The following INPP4B variants were observed in gnomAD, a reference collection of about 807,000 sequenced individuals.
The protein encoded by INPP4B is inositol polyphosphate-4-phosphatase type II B.
A neutral mutation model predicts 122.5 loss-of-function variants in INPP4B; 55 were observed. That is an observed-to-expected ratio of 0.45 (90% CI 0.36 to 0.56). INPP4B has a LOEUF of 0.56. Ranked by LOEUF, INPP4B falls within the 20% of genes least tolerant of loss-of-function variation. The probability of loss-of-function intolerance (pLI) is 0.00; values close to 1 mark genes in which losing one functional copy is unlikely to be tolerated. For missense variants in INPP4B, 1,000 were observed against 1,097.7 expected (o/e 0.91, Z 1.26); for synonymous variants, 403 against 388.7 (o/e 1.04, Z -0.43).
intron 3 of INPP4B, among the ~76,000 whole-genome samples, chr4:142,452,375 C>G (rs1814482667): frequency 6.6e-6 from 1 of 152,184 alleles, no homozygotes; most frequent in African/African-American, 2.4e-5. Flanking sequence ...AGCCATCTGA[C>G]TCGTTAGATT....
At chr4:142,826,968 C>G (rs1781530958) in intron 1 of INPP4B, among the ~76,000 whole-genome samples, 1 of 152,198 alleles carries the variant, frequency 6.6e-6, no homozygotes, top group African/African-American at 2.4e-5. Flanking sequence ...CTTTCGGTAG[C>G]CCCTATTATG....
chr4:142,733,901 C>T (rs1353249713), intron 1 of INPP4B, among the ~76,000 whole-genome samples: 1 of 152,102 alleles, frequency 6.6e-6, no homozygotes, highest in Non-Finnish European at 1.5e-5. Flanking sequence ...CAATGAAATG[C>T]TATGCATTAA....
At chr4:142,604,426 G>A (rs1740765407) in intron 2 of INPP4B, among the ~76,000 whole-genome samples, 1 of 151,968 alleles carries the variant, frequency 6.6e-6, no homozygotes, top group South Asian at 2.1e-4. Context: ...TGGAAAAGAG[G>A]AAGTTAAATT....
At chr4:142,374,096 T>C (rs1413736141) in intron 7 of INPP4B, among the ~76,000 whole-genome samples, 1 of 151,876 alleles carries the variant, frequency 6.6e-6, no homozygotes, top group Non-Finnish European at 1.5e-5. Flanking sequence ...TTGAACACGT[T>C]TGTAGATAAA....
intron 3 of INPP4B, among the ~76,000 whole-genome samples, chr4:142,442,117 GAAAAA>G (rs1811858522): frequency 2.0e-5 from 3 of 152,026 alleles, no homozygotes; most frequent in Admixed American, 1.3e-4. Flanking sequence ...TAGACCATAA[GAAAAA>G]CATGGGCCAG....
chr4:142,060,851 G>GA (rs756822902), intron 25 of INPP4B, among the ~76,000 whole-genome samples: 8 of 152,150 alleles, frequency 5.3e-5, no homozygotes, highest in Non-Finnish European at 8.8e-5. Context: ...AGGAAAAAGG[G>GA]AAAACAGGCA....
intron 1 of INPP4B, among the ~76,000 whole-genome samples, chr4:142,752,418 G>T (rs1430884103): frequency 6.6e-6 from 1 of 152,010 alleles, no homozygotes; most frequent in East Asian, 1.9e-4. Flanking sequence ...AACTTCTCTA[G>T]ACTCAAGAAT....
At chr4:142,417,767 T>C (rs1330513999) in intron 5 of INPP4B, among the ~76,000 whole-genome samples, 1 of 152,016 alleles carries the variant, frequency 6.6e-6, no homozygotes, top group Admixed American at 6.6e-5. Context: ...TTTTCAGGAT[T>C]TTTGAGGCGG....
At chr4:142,275,093 C>G (rs1747749218) in intron 9 of INPP4B, among the ~76,000 whole-genome samples, 1 of 151,734 alleles carries the variant, frequency 6.6e-6, no homozygotes, top group African/African-American at 2.4e-5. Context: ...CCTAATACTT[C>G]CTAATGAAAT....
intron 22 of INPP4B, 41 bp downstream of exon 22, chr4:142,112,501 C>G (rs749168432): frequency 1.2e-6 from 2 of 1,607,784 alleles, no homozygotes; most frequent in Non-Finnish European, 1.7e-6. Flanking sequence ...TTAAAAGGAA[C>G]AAAGAAAAAT....
At chr4:142,691,818 A>G (rs1053920719) in intron 2 of INPP4B, among the ~76,000 whole-genome samples, 1 of 151,902 alleles carries the variant, frequency 6.6e-6, no homozygotes, top group Non-Finnish European at 1.5e-5. Flanking sequence ...CGTGGGGGGG[A>G]CAAGCAAAAG....
At chr4:142,836,620 G>T (rs1294617534) in intron 1 of INPP4B, among the ~76,000 whole-genome samples, 4 of 151,604 alleles carry the variant, frequency 2.6e-5, no homozygotes, top group African/African-American at 9.7e-5. Flanking sequence ...ATAGACTAGA[G>T]AGGAAAAAAA....
At chr4:142,655,384 C>A (rs1753930599) in intron 2 of INPP4B, among the ~76,000 whole-genome samples, 1 of 152,092 alleles carries the variant, frequency 6.6e-6, no homozygotes, top group South Asian at 2.1e-4. Context: ...TGGAGCATAT[C>A]ATTATTTCAA....
At chr4:142,615,037 T>A (rs1743399469) in intron 2 of INPP4B, among the ~76,000 whole-genome samples, 1 of 152,206 alleles carries the variant, frequency 6.6e-6, no homozygotes. Context: ...ATTTCACTAC[T>A]GAGTATCCAC....
At chr4:142,806,847 G>GAAAGAAAGAAAT (rs1778923761) in intron 1 of INPP4B, among the ~76,000 whole-genome samples, 3 of 149,832 alleles carry the variant, frequency 2.0e-5, no homozygotes, top group African/African-American at 5.0e-5. Context: ...AAGAAAGAAA[G>GAAAGAAAGAAAT]AAAGGAGAAG....
At chr4:142,604,709 GA>G (rs1740838831) in intron 2 of INPP4B, among the ~76,000 whole-genome samples, 1 of 152,064 alleles carries the variant, frequency 6.6e-6, no homozygotes, top group South Asian at 2.1e-4. Flanking sequence ...ACTGATGAAA[GA>G]AATTGAAGCG....
intron 2 of INPP4B, among the ~76,000 whole-genome samples, chr4:142,702,730 CAAAAAAA>C (rs35472471): frequency 4.7e-5 from 3 of 64,326 alleles, no homozygotes; most frequent in Non-Finnish European, 5.8e-5. Flanking sequence ...AACTCCGTCT[CAAAAAAA>C]AAAAAAAAAA....
chr4:142,231,101 C>T (rs1161168301), intron 12 of INPP4B, among the ~76,000 whole-genome samples: 4 of 152,128 alleles, frequency 2.6e-5, no homozygotes, highest in Non-Finnish European at 5.9e-5. Flanking sequence ...GTGTATGTAC[C>T]ATCTCAAATT....
chr4:142,260,897 T>C (rs1739646345), intron 10 of INPP4B, among the ~76,000 whole-genome samples: 1 of 152,214 alleles, frequency 6.6e-6, no homozygotes, highest in African/African-American at 2.4e-5. Flanking sequence ...TTTGTATTTC[T>C]TTCACCTGAG....
Sources: allele counts gnomAD v4.1 joint callset (sites outside exome capture counted in the v4.1 genomes callset), GRCh38; gene constraint gnomAD v4.1.1; transcripts MANE v1.5; gene names NCBI Gene and HGNC (gene_info 2026-07-23, HGNC 2026-07-21).